The following VEGFA variants were observed in gnomAD, a reference collection of about 807,000 sequenced individuals.
The protein encoded by VEGFA is vascular endothelial growth factor A, also known as vascular endothelial growth factor A, long form.
VEGFA carries 20 observed loss-of-function variants against 49.7 expected under a neutral mutation model. That is an observed-to-expected ratio of 0.40 (90% CI 0.28 to 0.58). VEGFA has a LOEUF of 0.58. Among genes scored for constraint, VEGFA ranks in the 20% least tolerant of loss-of-function variants. VEGFA has a pLI of 0.40. For synonymous variants in VEGFA, 219 were observed against 223.4 expected, an observed-to-expected ratio of 0.98 and a Z score of 0.18; for missense variants, 505 against 553.5, an observed-to-expected ratio of 0.91 and a Z score of 0.88.
intron 2 of VEGFA, 29 bp downstream of exon 2, chr6:43,774,421 T>A (rs1299090450): frequency 3.7e-6 from 6 of 1,613,384 alleles, no homozygotes; most frequent in Non-Finnish European, 5.1e-6. Flanking sequence ...TGGATGGGGT[T>A]CCCTGTCCTC....
intron 1 of VEGFA, chr6:43,771,972 A>T: frequency 1.0e-6 from 1 of 981,190 alleles, no homozygotes. Flanking sequence ...CGCGGCGCGG[A>T]GCCGATTACA....
chr6:43,784,726 G>A lies in VEGFA; in HGVS notation c.*164G>A, dbSNP rs1769162042. 2.9e-6 allele frequency: 4 copies of A among 1,366,638 alleles called. No homozygotes were observed. The highest frequency in any genetic ancestry group is 4.1e-6 in the Non-Finnish European group (4 of 965,934). The allele number at this position is 1,366,638 out of a possible 1,614,324, so 84.7% of individuals were successfully genotyped here. On this transcript the variant is annotated 3_prime_UTR_variant, in exon 8 of 8. Transcript: ENST00000672860. ...AGAAACCTGAAATGAAGGAAGAGGA[G>A]ACTCTGCGCAGAGCACTTTGGGTCC...
Position 43,771,046 on chromosome 6 carries a change from C to A in VEGFA, c.340C>A (p.Arg114=). 2 of 1,520,422 alleles carry A rather than the reference C, an allele frequency of 1.3e-6. No homozygotes were observed. Among genetic ancestry groups the A allele is most frequent in the Non-Finnish European group, 1.8e-6 (2 of 1,133,896 alleles). 94.2% of individuals were successfully genotyped at this position (1,520,422 alleles called of 1,614,324 possible). Residue 114 remains arginine (R), a synonymous_variant, in exon 1 of 8, where the codon CGG becomes AGG. Coordinates refer to ENST00000672860, the MANE Select transcript of VEGFA (RefSeq NM_003376.6). ...GGGGCCGCAGTGGCGACTCGGCGCT[C>A]GGAAGCCGGGCTCATGGACGGGTGA...
chr6:43,779,499 G>C (rs1009816835), intron 5 of VEGFA: 2 of 376,202 alleles, frequency 5.3e-6, no homozygotes, highest in African/African-American at 4.2e-5. Context: ...AGGATGGGGT[G>C]GGGGACAAGG....
intron 5 of VEGFA, chr6:43,780,485 T>G: frequency 1.8e-6 from 1 of 548,844 alleles, no homozygotes; most frequent in Non-Finnish European, 3.3e-6. Flanking sequence ...TGTCAGGGGC[T>G]GGGTTTGCCA....
intron 2 of VEGFA, chr6:43,776,980 C>T (rs182849014): frequency 3.2e-6 from 1 of 309,084 alleles, no homozygotes; most frequent in Non-Finnish European, 6.4e-6. Flanking sequence ...CTACTGTACA[C>T]AGTACTCAGG....
rs867885194 is a variant in VEGFA at position 43,772,230 on chromosome 6, G to A, written c.606+918G>A. ...CTTCACCCATTTCCTTTTTAGCCTG[G>A]AGAGAAGCCCCTGTCACCCCGCTTA... On this transcript the variant is annotated intron_variant, in intron 1 of 7. Coordinates refer to ENST00000672860, the MANE Select transcript of VEGFA (RefSeq NM_003376.6). 2.2e-5 allele frequency: 5 copies of A among 228,774 alleles called. No homozygotes were observed. In the South Asian group the frequency reaches 4.8e-4, roughly 22 times the overall value. The allele number at this position is 228,774 out of a possible 1,614,324, so 14.2% of individuals were successfully genotyped here. A position where few individuals can be genotyped will look rare whatever the true frequency, so the allele number is the denominator to read the frequency against.
intron 2 of VEGFA, chr6:43,775,449 GC>G (rs1765076441): frequency 6.6e-6 from 1 of 152,264 alleles, no homozygotes; most frequent in Non-Finnish European, 1.5e-5. Flanking sequence ...AGGGGCGGCT[GC>G]CTGATGAAGG....
At chr6:43,782,154 AAGAG>A (rs1226418560) in intron 7 of VEGFA, 67 bp downstream of exon 7, 1 of 1,592,406 alleles carries the variant, frequency 6.3e-7, no homozygotes. Context: ...GAGAGAGAGA[AAGAG>A]AGTGAGCGAG....
Position 43,773,516 on chromosome 6 carries a change from CT to C in VEGFA, c.607-824del, listed in dbSNP as rs1764289012. The C allele has an allele frequency of 2.0e-5, 3 of 152,296 alleles. No individual in the cohort carries two copies. Among genetic ancestry groups the C allele is most frequent in the African/African-American group, 7.2e-5 (3 of 41,432 alleles). The allele number at this position is 152,296 out of a possible 1,614,324, so 9.4% of individuals were successfully genotyped here. A position where few individuals can be genotyped will look rare whatever the true frequency, so the allele number is the denominator to read the frequency against. On this transcript the variant is annotated intron_variant, in intron 1 of 7. Coordinates refer to ENST00000672860, the MANE Select transcript of VEGFA (RefSeq NM_003376.6). This position sits in a 1 kb window ranked among gnomAD's most constrained non-coding sequence, Gnocchi z 5.6. ...GGCCTAAGGTGGTGCAGGGGGCCCC[CT>C]AGGGGCTGGGCAGTGCCAAGGCATA...
chr6:43,778,938 G>A lies in VEGFA; in HGVS notation c.962+20G>A. The A allele has an allele frequency of 1.9e-6, 3 of 1,614,190 alleles. No homozygotes were observed. Among genetic ancestry groups the A allele is most frequent in the Non-Finnish European group, 2.5e-6 (3 of 1,180,036 alleles). On this transcript the variant is annotated intron_variant, in intron 5 of 7. Transcript: ENST00000672860. Reference sequence around the variant, plus strand: ...AGAAAAGTAAGTGGCCCTGACTTTAGCACTTCTCCCTCTCCATGGCCGGTT... The same window carrying A: ...AGAAAAGTAAGTGGCCCTGACTTTAACACTTCTCCCTCTCCATGGCCGGTT...
chr6:43,774,594 A>G (rs1002078454), intron 2 of VEGFA: 1 of 635,568 alleles, frequency 1.6e-6, no homozygotes, highest in Non-Finnish European at 2.8e-6. Flanking sequence ...TGCTAGAAGT[A>G]GGACTTGTTG....
Position 43,782,555 on chromosome 6 carries a change from C to T in VEGFA, c.1166+468C>T, listed in dbSNP as rs988324834. The T allele has an allele frequency of 1.6e-5, 4 of 254,592 alleles. No homozygotes were observed. In the East Asian group the frequency reaches 3.0e-4, roughly 19 times the overall value. The allele number at this position is 254,592 out of a possible 1,614,324, so 15.8% of individuals were successfully genotyped here. On this transcript the variant is annotated intron_variant, in intron 7 of 7. Transcript: ENST00000672860. The stretch of plus-strand genomic sequence containing the variant: ...TTGAAGTCTGCATGGCTGGGCTTCT[C>T]ACTCACTCAGTGTTTCTTGCTGGGG...
intron 7 of VEGFA, chr6:43,784,305 A>T: frequency 8.2e-6 from 5 of 608,216 alleles, no homozygotes; most frequent in Middle Eastern, 4.4e-4. Context: ...AGGAGGGTAG[A>T]CTGGGAGCCC....
In VEGFA at chr6:43,784,581, G is replaced by C; in HGVS notation, c.*19G>C. ...GCGGTGAGCCGGGCAGGAGGAAGGA[G>C]CCTCCCTCAGGGTTTCGGGAACCAG... On this transcript the variant is annotated 3_prime_UTR_variant, in exon 8 of 8. Transcript: ENST00000672860. The C allele has an allele frequency of 1.2e-6, 2 of 1,614,226 alleles. No individual in the cohort carries two copies. The highest frequency in any genetic ancestry group is 1.7e-6 in the Non-Finnish European group (2 of 1,180,042).
At chr6:43,771,654 G>T (rs564114663) in intron 1 of VEGFA, among the ~76,000 whole-genome samples, 2 of 152,180 alleles carry the variant, frequency 1.3e-5, no homozygotes, top group Admixed American at 6.5e-5. Context: ...GCTCCCGGCC[G>T]CTGGTCCCGG....
chr6:43,771,672 G>A (rs992121984), intron 1 of VEGFA, among the ~76,000 whole-genome samples: 6 of 152,174 alleles, frequency 3.9e-5, no homozygotes, highest in Non-Finnish European at 8.8e-5. Context: ...CGGACGAACT[G>A]GAAGTCTGAG....
intron 5 of VEGFA, chr6:43,780,390 C>G (rs549313553): frequency 2.6e-6 from 1 of 388,816 alleles, no homozygotes; most frequent in South Asian, 2.2e-5. Context: ...GGCTTTGCCC[C>G]CTGCCGGGGA....
intron 1 of VEGFA, 61 bp from the exon 2 acceptor site, chr6:43,774,280 G>A (rs2128009802): frequency 6.3e-7 from 1 of 1,576,536 alleles, no homozygotes; most frequent in Non-Finnish European, 8.7e-7. Flanking sequence ...GGGCTGGGTG[G>A]CTGGGCCTGT....
Sources: allele counts gnomAD v4.1 joint callset (sites outside exome capture counted in the v4.1 genomes callset), GRCh38; gene constraint gnomAD v4.1.1; non-coding constraint Gnocchi (gnomAD v3.1); transcripts MANE v1.5; gene names NCBI Gene and HGNC (gene_info 2026-07-23, HGNC 2026-07-21).